MRPL3: variants seen among roughly 807,000 people sequenced by gnomAD.
MRPL3 encodes large ribosomal subunit protein uL3m.
MRPL3 carries 43 observed loss-of-function variants against 44.3 expected under a neutral mutation model. The ratio of observed to expected loss-of-function variants is 0.97; its 90% CI spans 0.76 to 1.25. The LOEUF is 1.25. Ranked by LOEUF, MRPL3 falls within the 50% of genes most tolerant of loss-of-function variation. MRPL3 has a pLI of 0.00. For synonymous variants in MRPL3, 171 were observed against 152.3 expected, an observed-to-expected ratio of 1.12 and a Z score of -0.91; for missense variants, 406 against 427.6, an observed-to-expected ratio of 0.95 and a Z score of 0.45.
At chr3:131,478,885 G>A (rs898883567) in intron 6 of MRPL3, among the ~76,000 whole-genome samples, 10 of 151,664 alleles carry the variant, frequency 6.6e-5, no homozygotes, top group Admixed American at 5.3e-4. Flanking sequence ...TAGAGATGAA[G>A]TTTCGCTATG....
intron 4 of MRPL3, among the ~76,000 whole-genome samples, chr3:131,493,858 A>C (rs1934308562): frequency 6.6e-6 from 1 of 152,152 alleles, no homozygotes; most frequent in Non-Finnish European, 1.5e-5. Context: ...ACCCTAACCA[A>C]CTCAAGATGA....
chr3:131,497,378 T>C (rs1388890494), intron 4 of MRPL3, among the ~76,000 whole-genome samples: 1 of 152,164 alleles, frequency 6.6e-6, no homozygotes, highest in East Asian at 1.9e-4. Flanking sequence ...TATCAGAAAA[T>C]AGAGTAGTTA....
chr3:131,467,998 T>C, intron 9 of MRPL3, 93 bp downstream of exon 9: 2 of 660,644 alleles, frequency 3.0e-6, no homozygotes, highest in Non-Finnish European at 4.8e-6. Flanking sequence ...TATCCACATA[T>C]ATAAACAATA....
chr3:131,475,885 A>G (rs1011253546), intron 6 of MRPL3, among the ~76,000 whole-genome samples: 5 of 152,234 alleles, frequency 3.3e-5, no homozygotes, highest in South Asian at 2.1e-4. Context: ...TGAACTTACC[A>G]TATCATTTGG....
Position 131,483,196 on chromosome 3 carries a change from T to C in MRPL3, c.629+4484A>G, listed in dbSNP as rs542898218. On this transcript the variant is annotated intron_variant, in intron 6 of 9. Transcript: ENST00000264995. ...AACCATCATCTATTCAAAGTTACAATGGAATATAATTGCTACTATAGAGCA... is the reference window on the plus strand; with the variant it reads ...AACCATCATCTATTCAAAGTTACAACGGAATATAATTGCTACTATAGAGCA... Among the ~76,000 whole-genome samples, 73 of 152,166 alleles carry C rather than the reference T, an allele frequency of 4.8e-4. 1 individual carries two copies. Among genetic ancestry groups the C allele is most frequent in the Admixed American group, 1.5e-3 (23 of 15,282 alleles).
chr3:131,496,739 A>G (rs1934377902), intron 4 of MRPL3, among the ~76,000 whole-genome samples: 1 of 152,190 alleles, frequency 6.6e-6, no homozygotes, highest in Non-Finnish European at 1.5e-5. Flanking sequence ...ACAATCTCCT[A>G]AAAACTCTTT....
At chr3:131,502,587 T>C in intron 1 of MRPL3, 143 bp downstream of exon 1, 1 of 654,462 alleles carries the variant, frequency 1.5e-6, no homozygotes, top group Non-Finnish European at 2.6e-6. Flanking sequence ...CGTGCTTCCT[T>C]AGGTTAACGG....
intron 6 of MRPL3, among the ~76,000 whole-genome samples, chr3:131,481,315 T>C (rs142832178): frequency 4.2e-4 from 64 of 152,344 alleles, no homozygotes; most frequent in African/African-American, 1.5e-3. Context: ...CAGGAAAACA[T>C]GGATCTTTTT....
At chr3:131,498,084 A>T (rs1211575740) in intron 4 of MRPL3, 95 bp downstream of exon 4, 2 of 916,758 alleles carry the variant, frequency 2.2e-6, no homozygotes, top group Non-Finnish European at 3.5e-6. Context: ...AACAAATGCA[A>T]GTTTGTGGCT....
At chr3:131,479,253 TTCTC>T (rs1933923348) in intron 6 of MRPL3, 1 of 510,278 alleles carries the variant, frequency 2.0e-6, no homozygotes, top group African/African-American at 1.9e-5. Flanking sequence ...AGTTTTCACT[TTCTC>T]TCTTTATGCT....
intron 4 of MRPL3, among the ~76,000 whole-genome samples, chr3:131,495,030 T>C (rs1266997637): frequency 6.6e-6 from 1 of 152,182 alleles, no homozygotes; most frequent in East Asian, 1.9e-4. Flanking sequence ...CACTATGTAC[T>C]ACCTCAGTTT....
At chr3:131,489,086 T>C (rs1194194011) in intron 5 of MRPL3, among the ~76,000 whole-genome samples, 1 of 152,098 alleles carries the variant, frequency 6.6e-6, no homozygotes, top group African/African-American at 2.4e-5. Context: ...AAGTTAGATG[T>C]GTTAATACCA....
At chr3:131,493,806 T>G (rs1490953348) in intron 4 of MRPL3, among the ~76,000 whole-genome samples, 1 of 152,022 alleles carries the variant, frequency 6.6e-6, no homozygotes, top group Non-Finnish European at 1.5e-5. Context: ...AAACCAATAG[T>G]AATTGTAATT....
chr3:131,475,715 TATTA>T (rs1933839351), intron 6 of MRPL3, among the ~76,000 whole-genome samples: 1 of 152,240 alleles, frequency 6.6e-6, no homozygotes, highest in Non-Finnish European at 1.5e-5. Flanking sequence ...AAAAACCCAC[TATTA>T]ATTATGTAAA....
chr3:131,466,445 G>GT (rs1479399131), intron 9 of MRPL3, among the ~76,000 whole-genome samples: 1 of 152,084 alleles, frequency 6.6e-6, no homozygotes, highest in Non-Finnish European at 1.5e-5. Context: ...TTTTATGGAA[G>GT]TAAGTCTCTG....
intron 6 of MRPL3, among the ~76,000 whole-genome samples, chr3:131,481,557 T>C (rs1413571347): frequency 1.3e-5 from 2 of 152,214 alleles, no homozygotes; most frequent in Non-Finnish European, 2.9e-5. Flanking sequence ...CCCATGCTTT[T>C]AGCCACCACC....
chr3:131,494,363 A>G (rs1934322761), intron 4 of MRPL3, among the ~76,000 whole-genome samples: 1 of 152,212 alleles, frequency 6.6e-6, no homozygotes, highest in Non-Finnish European at 1.5e-5. Context: ...CTGCAACAAG[A>G]GCAAACACAA....
At chr3:131,485,315 G>A (rs935837590) in intron 6 of MRPL3, among the ~76,000 whole-genome samples, 1 of 152,242 alleles carries the variant, frequency 6.6e-6, no homozygotes, top group African/African-American at 2.4e-5. Flanking sequence ...TTAGTCACAA[G>A]TCCAGCCACA....
chr3:131,470,722 T>A (rs908862489), intron 7 of MRPL3, among the ~76,000 whole-genome samples: 1 of 152,082 alleles, frequency 6.6e-6, no homozygotes, highest in Non-Finnish European at 1.5e-5. Flanking sequence ...TACTTATAGT[T>A]TGAATTCAAC....
Sources: gnomAD v4.1 joint callset for allele counts (sites outside exome capture counted in the v4.1 genomes callset) on GRCh38, gnomAD v4.1.1 for gene constraint, MANE v1.5 for transcripts, NCBI Gene and HGNC (gene_info 2026-07-23, HGNC 2026-07-21) for gene names.